Variants in CUX2 observed in about 807,000 individuals in gnomAD.
CUX2 encodes homeobox protein cut-like 2.
In CUX2, 40 loss-of-function variants were observed where a neutral mutation model predicts 144.8. That is an observed-to-expected ratio of 0.28 (90% confidence interval 0.21 to 0.36). CUX2 has a LOEUF of 0.36. Ranked by LOEUF, CUX2 falls within the 10% of genes least tolerant of loss-of-function variation. The pLI, the probability that CUX2 is intolerant of heterozygous loss-of-function variation, is 1.00. For missense variants in CUX2, 1,615 were observed against 1,994.0 expected (o/e 0.81, Z 3.62); for synonymous variants, 827 against 875.6 (o/e 0.94, Z 0.98).
At chr12:111,051,022 C>T (rs1460553386) in intron 1 of CUX2, among the ~76,000 whole-genome samples, 1 of 152,164 alleles carries the variant, frequency 6.6e-6, no homozygotes, top group Non-Finnish European at 1.5e-5. Flanking sequence ...TTTCCAGTAC[C>T]TGGGTGATGG....
rs1887455572 is a variant in CUX2, at chr12:111,320,320, A to G, written c.2311A>G (p.Ile771Val). 1 of 1,597,980 alleles carries G rather than the reference A, an allele frequency of 6.3e-7. No homozygotes were observed. The highest frequency in any genetic ancestry group is 8.5e-7 in the Non-Finnish European group (1 of 1,179,160). Reference protein sequence around the residue: ...VLSPAAFVQSIIRKVKSEIGD... With the variant: ...VLSPAAFVQSVIRKVKSEIGD... Reference sequence around the variant, plus strand: ...GTCCCCCGCCGCCTTCGTGCAGAGCATCATCCGCAAGGTCAAGTCCGAGAT... The same window carrying G: ...GTCCCCCGCCGCCTTCGTGCAGAGCGTCATCCGCAAGGTCAAGTCCGAGAT... Residue 771 changes from isoleucine to valine, a missense_variant, in exon 17 of 22, where the codon ATC (isoleucine) becomes GTC (valine). Physicochemically the swap from Ile to Val is conservative, Grantham distance 29. Coordinates refer to ENST00000261726, the MANE Select transcript of CUX2 (RefSeq NM_015267.4). The surrounding 1 kb of genome is among the most constrained non-coding windows in gnomAD (Gnocchi z 8.1).
chr12:111,313,718 T>C (rs1012908633), intron 16 of CUX2, among the ~76,000 whole-genome samples: 1 of 152,130 alleles, frequency 6.6e-6, no homozygotes, highest in African/African-American at 2.4e-5. Context: ...GAGGTCAGTG[T>C]AATCCTGAAA....
intron 1 of CUX2, among the ~76,000 whole-genome samples, chr12:111,205,481 T>C: frequency 6.6e-6 from 1 of 152,214 alleles, no homozygotes; most frequent in East Asian, 1.9e-4. Flanking sequence ...AAATATTTAT[T>C]GAATGCCCAC....
chr12:111,111,871 G>C (rs1439550397), intron 1 of CUX2, among the ~76,000 whole-genome samples: 1 of 152,106 alleles, frequency 6.6e-6, no homozygotes, highest in African/African-American at 2.4e-5. Flanking sequence ...AGAAATGAAA[G>C]CTTTGAACTT....
In CUX2 at chr12:111,133,821, G is replaced by A. The variant is rs187081933; in HGVS notation, c.64-80379G>A. On this transcript the variant is annotated intron_variant, in intron 1 of 21. Coordinates refer to ENST00000261726, the MANE Select transcript of CUX2 (RefSeq NM_015267.4). ...GCAGGGTTAATTCCCTCAGTAGGAC[G>A]TGGAGAGGCCACTCCAGCTGGTGGT... is the stretch of plus-strand genomic sequence containing the variant. 1.3e-3 allele frequency among the ~76,000 whole-genome samples: 202 copies of A among 152,244 alleles called. 1 individual carries two copies. In the East Asian group the frequency reaches 0.023, roughly 17 times the overall value.
chr12:111,335,287 G>A (rs1888299826), intron 19 of CUX2, among the ~76,000 whole-genome samples: 2 of 152,160 alleles, frequency 1.3e-5, no homozygotes, highest in South Asian at 4.1e-4. Context: ...CAGCTACTTG[G>A]GAGGCTGAGG....
intron 3 of CUX2, among the ~76,000 whole-genome samples, chr12:111,262,364 G>T (rs1015105294): frequency 4.7e-5 from 7 of 147,488 alleles, no homozygotes; most frequent in Admixed American, 3.6e-4. Context: ...AAATTACAGA[G>T]ATTTTGTAAT....
At chr12:111,088,807 G>A (rs2136051651) in intron 1 of CUX2, among the ~76,000 whole-genome samples, 1 of 152,304 alleles carries the variant, frequency 6.6e-6, no homozygotes, top group South Asian at 2.1e-4. Flanking sequence ...GAGCTATGAA[G>A]CTCACCTGTC....
intron 1 of CUX2, among the ~76,000 whole-genome samples, chr12:111,047,166 T>C (rs1870037574): frequency 6.6e-6 from 1 of 152,168 alleles, no homozygotes; most frequent in Non-Finnish European, 1.5e-5. Context: ...TGGCGCGCCC[T>C]GTCGTCCGGC....
At chr12:111,092,572 CA>C (rs1318711003) in intron 1 of CUX2, among the ~76,000 whole-genome samples, 1 of 152,152 alleles carries the variant, frequency 6.6e-6, no homozygotes, top group Admixed American at 6.5e-5. Context: ...GAGCCGTAAG[CA>C]AAAGTGACAG....
intron 1 of CUX2, among the ~76,000 whole-genome samples, chr12:111,067,828 C>T (rs1871085405): frequency 6.6e-6 from 1 of 152,164 alleles, no homozygotes; most frequent in South Asian, 2.1e-4. Flanking sequence ...GGCAGAACTC[C>T]ACCACCCTTG....
chr12:111,282,195 G>A (rs986517841), intron 4 of CUX2, among the ~76,000 whole-genome samples: 3 of 151,844 alleles, frequency 2.0e-5, no homozygotes, highest in Non-Finnish European at 4.4e-5. Flanking sequence ...GGTGGTGGGC[G>A]CCTGTAGCCC....
At chr12:111,323,835 T>C (rs1313228228) in intron 18 of CUX2, among the ~76,000 whole-genome samples, 1 of 152,074 alleles carries the variant, frequency 6.6e-6, no homozygotes, top group African/African-American at 2.4e-5. Flanking sequence ...GGCAGGAGGA[T>C]CTCTTGAAGC....
intron 3 of CUX2, among the ~76,000 whole-genome samples, chr12:111,260,533 T>A (rs1884064705): frequency 6.6e-6 from 1 of 152,236 alleles, no homozygotes; most frequent in African/African-American, 2.4e-5. Flanking sequence ...ATGCTATATT[T>A]TACACTTACA....
chr12:111,184,835 G>A (rs561503022), intron 1 of CUX2, among the ~76,000 whole-genome samples: 8 of 152,132 alleles, frequency 5.3e-5, no homozygotes, highest in Non-Finnish European at 7.4e-5. Flanking sequence ...AGGCCGAGGC[G>A]GGCAGATCAC....
intron 3 of CUX2, among the ~76,000 whole-genome samples, chr12:111,242,026 C>T (rs1358839229): frequency 3.3e-5 from 5 of 152,246 alleles, no homozygotes; most frequent in African/African-American, 1.2e-4. Context: ...AATTGTTCAT[C>T]ATTTCAACAA....
intron 18 of CUX2, among the ~76,000 whole-genome samples, chr12:111,328,512 T>C (rs79592135): frequency 0.12 from 18,967 of 151,886 alleles, 2,085 homozygotes; most frequent in East Asian, 0.66. Context: ...CCCTGTCCTG[T>C]CCCCATACAC....
At chr12:111,211,442 G>T (rs1389923379) in intron 1 of CUX2, among the ~76,000 whole-genome samples, 1 of 152,192 alleles carries the variant, frequency 6.6e-6, no homozygotes, top group Non-Finnish European at 1.5e-5. Context: ...TTGTCTGTGA[G>T]GACACATCAG....
intron 1 of CUX2, among the ~76,000 whole-genome samples, chr12:111,121,545 A>G (rs1874694061): frequency 6.6e-6 from 1 of 151,452 alleles, no homozygotes; most frequent in Non-Finnish European, 1.5e-5. Flanking sequence ...CCCAGCTAGT[A>G]GAGGTGGGGT....
Sources: gnomAD v4.1 joint callset for allele counts (sites outside exome capture counted in the v4.1 genomes callset) on GRCh38, gnomAD v4.1.1 for gene constraint, Gnocchi (gnomAD v3.1) non-coding constraint, MANE v1.5 for transcripts, NCBI Gene and HGNC (gene_info 2026-07-23, HGNC 2026-07-21) for gene names.